ZNF568: variants seen among roughly 807,000 people sequenced by gnomAD.
ZNF568 encodes zinc finger protein 568.
A neutral mutation model predicts 18.1 loss-of-function variants in ZNF568; 11 were observed. The observed-to-expected ratio is 0.61, with a 90% CI of 0.38 to 1.00. The LOEUF (loss-of-function observed/expected upper bound fraction) is 1.00. Among genes scored for constraint, ZNF568 ranks in the 50% least tolerant of loss-of-function variants. The pLI is 0.01. For synonymous variants in ZNF568, 213 were observed against 246.6 expected (o/e 0.86, Z 1.28); for missense variants, 639 against 768.2 (o/e 0.83, Z 1.99).
intron 4 of ZNF568, among the ~76,000 whole-genome samples, chr19:36,927,874 ATATATATATATAT>A (rs1189622000): frequency 1.1e-3 from 61 of 55,408 alleles, no homozygotes; most frequent in African/African-American, 4.0e-3. Context: ...ATATATATAT[ATATATATATATAT>A]TATATATATA....
downstream of ZNF568, among the ~76,000 whole-genome samples, chr19:36,953,609 G>A (rs2074084977): frequency 6.6e-6 from 1 of 152,104 alleles, no homozygotes; most frequent in Admixed American, 6.6e-5. Flanking sequence ...AGCTGCTAAT[G>A]CCTTTTTAAA....
intron 2 of ZNF568, among the ~76,000 whole-genome samples, chr19:36,920,707 A>G (rs2073438435): frequency 6.6e-6 from 1 of 152,152 alleles, no homozygotes; most frequent in Non-Finnish European, 1.5e-5. Flanking sequence ...TAAAAATTTT[A>G]TAAATTTAGT....
At chr19:36,933,687 G>A (rs2073727044) in intron 4 of ZNF568, among the ~76,000 whole-genome samples, 1 of 151,456 alleles carries the variant, frequency 6.6e-6, no homozygotes, top group Non-Finnish European at 1.5e-5. Context: ...GGGCTCTAGT[G>A]TTTTTTTGGG....
rs1214491266 is a variant in ZNF568 at position 36,991,725 on chromosome 19, A to C, written c.134-26A>C. On this transcript the variant is annotated intron_variant, in intron 3 of 4. Coordinates refer to the ZNF568 transcript ENST00000433993. ...TTTTAATTCTGACACCCACAACAAA[A>C]CCTTGTTCCCTTTGTTTTTGAGCAG... The C allele has an allele frequency of 2.0e-6, 3 of 1,535,554 alleles. No homozygotes were observed. In the East Asian group the frequency reaches 7.0e-5, roughly 36 times the overall value.
At position 36,950,678 on chromosome 19, in the gene ZNF568, A is replaced by G; in HGVS notation, c.1525A>G (p.Lys509Glu). Residue 509 changes from lysine (K) to glutamate (E), a missense_variant, in exon 7 of 7, where the codon AAA (lysine) becomes GAA (glutamate). Coordinates refer to ENST00000333987, the MANE Select transcript of ZNF568 (RefSeq NM_198539.4). The part of the protein sequence containing the change: ...EKPYACTVCG[K>E]AFSQKSNLTE... ...ACCCTATGCATGTACAGTATGTGGA[A>G]AAGCCTTTAGTCAGAAATCAAACCT... 1 of 1,613,968 alleles carries G rather than the reference A, an allele frequency of 6.2e-7. No individual in the cohort carries two copies. The highest frequency in any genetic ancestry group is 2.2e-5 in the East Asian group (1 of 44,860).
At chr19:36,959,305 G>T (rs1427225224) in intron 6 of ZNF568, among the ~76,000 whole-genome samples, 2 of 152,122 alleles carry the variant, frequency 1.3e-5, no homozygotes, top group Non-Finnish European at 2.9e-5. Flanking sequence ...CTGATGTGAT[G>T]TATCATGTTA....
exon 5 of ZNF568, chr19:36,996,822 T>G (rs2074477395): frequency 6.5e-7 from 1 of 1,545,546 alleles, no homozygotes; most frequent in Non-Finnish European, 8.7e-7. Context: ...AAGCCTTTCG[T>G]TCCAGCTCAC....
chr19:36,986,766 G>A (rs2074380120), intron 2 of ZNF568, among the ~76,000 whole-genome samples: 1 of 152,146 alleles, frequency 6.6e-6, no homozygotes, highest in South Asian at 2.1e-4. Context: ...TGACACAGCT[G>A]CTCCTCTCTT....
At position 36,964,373 on chromosome 19, in the gene ZNF568, G is replaced by C. The variant is rs111637409; in HGVS notation, c.359-10047G>C. Reference sequence around the variant, plus strand: ...TTGTTACATAGTGGACAGTAACTTTGTAAGATCTCCTGGTGTCCAGAACTC... The same window carrying C: ...TTGTTACATAGTGGACAGTAACTTTCTAAGATCTCCTGGTGTCCAGAACTC... On this transcript the variant is annotated intron_variant, in intron 6 of 7. Transcript: ENST00000427117. Among the ~76,000 whole-genome samples the C allele has an allele frequency of 3.2e-3, 483 of 152,274 alleles. 3 individuals carry two copies. Among genetic ancestry groups the C allele is most frequent in the African/African-American group, 0.011 (464 of 41,554 alleles).
At position 36,996,879 on chromosome 19, in the gene ZNF568, GT is replaced by G; in HGVS notation, c.793del (p.Cys265ValfsTer70). ...TGCATCTTGGTGAGAAACCCTATAAGTGTAGGGAGTGTGGGAAAGCCTTTCC... is the reference window on the plus strand; with the variant it reads ...TGCATCTTGGTGAGAAACCCTATAAGGTAGGGAGTGTGGGAAAGCCTTTCC... On this transcript the variant is annotated frameshift_variant, in exon 5 of 5. Transcript: ENST00000433993. LOFTEE classifies it low-confidence loss of function (END_TRUNC). 1 of 1,538,976 alleles carries G rather than the reference GT, an allele frequency of 6.5e-7. No homozygotes were observed. The highest frequency in any genetic ancestry group is 8.7e-7 in the Non-Finnish European group (1 of 1,148,112).
At chr19:36,996,915 A>G in exon 5 of ZNF568, 1 of 1,538,490 alleles carries the variant, frequency 6.5e-7, no homozygotes, top group Non-Finnish European at 8.7e-7. Flanking sequence ...CATCCACTGC[A>G]CAGCTTAATC....
intron 6 of ZNF568, chr19:36,973,766 G>C (rs1255957653): frequency 6.5e-6 from 1 of 152,838 alleles, no homozygotes; most frequent in East Asian, 1.9e-4. Context: ...AAGTGTGAGC[G>C]TGTGCCGGGT....
chr19:36,995,150 C>A (rs2074458980), intron 4 of ZNF568, among the ~76,000 whole-genome samples: 1 of 152,012 alleles, frequency 6.6e-6, no homozygotes, highest in Non-Finnish European at 1.5e-5. Context: ...GTAATCCCAG[C>A]ACTTTGGAAG....
At chr19:36,994,274 T>G (rs2074450663) in intron 4 of ZNF568, among the ~76,000 whole-genome samples, 1 of 152,184 alleles carries the variant, frequency 6.6e-6, no homozygotes, top group African/African-American at 2.4e-5. Context: ...AAAACATATT[T>G]TGTGTGATTT....
At chr19:36,934,558 G>T (rs2073757098) in intron 4 of ZNF568, among the ~76,000 whole-genome samples, 1 of 152,160 alleles carries the variant, frequency 6.6e-6, no homozygotes, top group South Asian at 2.1e-4. Context: ...CTGGGCTCAA[G>T]CAATCCGCCT....
intron 6 of ZNF568, among the ~76,000 whole-genome samples, chr19:36,964,169 A>G (rs1248488651): frequency 6.6e-6 from 1 of 151,608 alleles, no homozygotes; most frequent in Non-Finnish European, 1.5e-5. Flanking sequence ...TTCAAGTCAC[A>G]TAAACATTTG....
chr19:36,938,546 T>A (rs958903703), intron 6 of ZNF568, among the ~76,000 whole-genome samples: 1 of 152,212 alleles, frequency 6.6e-6, no homozygotes, highest in Non-Finnish European at 1.5e-5. Context: ...ATCCTGTCTT[T>A]ATGAGCTTAT....
intron 6 of ZNF568, among the ~76,000 whole-genome samples, chr19:36,940,984 A>G (rs770790575): frequency 6.6e-6 from 1 of 152,126 alleles, no homozygotes. Flanking sequence ...TAGAGTCAGA[A>G]AGTTCTGAAT....
downstream of ZNF568, among the ~76,000 whole-genome samples, chr19:36,955,389 T>A (rs1291497370): frequency 3.9e-5 from 6 of 152,150 alleles, no homozygotes; most frequent in Admixed American, 3.9e-4. Flanking sequence ...GATTTCTCTT[T>A]TGGCCTCTCT....
Sources: allele counts gnomAD v4.1 joint callset (sites outside exome capture counted in the v4.1 genomes callset), GRCh38; gene constraint gnomAD v4.1.1; transcripts MANE v1.5; gene names NCBI Gene and HGNC (gene_info 2026-07-23, HGNC 2026-07-21).